The following LRRK1 variants were observed in gnomAD, a reference collection of about 807,000 sequenced individuals.
The protein encoded by LRRK1 is leucine rich repeat kinase 1.
Under a neutral mutation model 209.1 loss-of-function variants are expected in LRRK1, and 113 were observed. The observed-to-expected ratio is 0.54, with a 90% CI of 0.46 to 0.63. The LOEUF is 0.63. LRRK1 is among the 30% of genes least tolerant of loss of function. The pLI is 0.00. For missense variants in LRRK1, 2,284 were observed against 2,632.2 expected, an observed-to-expected ratio of 0.87 and a Z score of 2.89; for synonymous variants, 1,144 against 1,099.7, an observed-to-expected ratio of 1.04 and a Z score of -0.80.
In LRRK1 at chr15:101,030,723, T is replaced by C. The variant is rs139709245; in HGVS notation, c.2963+1491T>C. Among the ~76,000 whole-genome samples the C allele has an allele frequency of 7.9e-5, 12 of 152,338 alleles. No individual in the cohort carries two copies. The East Asian group carries it at 2.3e-3, about 29-fold the overall frequency. On this transcript the variant is annotated intron_variant, in intron 20 of 33. Transcript: ENST00000388948. ...ATTCTGTTGACAGCCCCTTTCCTCCTTGTGACACCCATACCTGCTTCTGTT... is the reference window on the plus strand; with the variant it reads ...ATTCTGTTGACAGCCCCTTTCCTCCCTGTGACACCCATACCTGCTTCTGTT...
chr15:101,046,030 G>A lies in LRRK1; in HGVS notation c.3013G>A (p.Gly1005Ser), dbSNP rs761362971. 1.2e-5 allele frequency: 19 copies of A among 1,614,004 alleles called. No individual in the cohort carries two copies. The highest frequency in any genetic ancestry group is 1.6e-4 in the Middle Eastern group (1 of 6,084). ...LPSKPGLDTHGMRHPTANTIQ... is the reference protein window; with the variant it reads ...LPSKPGLDTHSMRHPTANTIQ... ...ATCTAAACCTGGCCTGGACACCCAC[G>A]GTATGCGGCACCCCACAGCCAACAC... is the stretch of plus-strand genomic sequence containing the variant. The change falls in exon 21 of 34, where the codon GGT becomes AGT. Residue 1005 changes from glycine (G) to serine (S), a missense_variant. Physicochemically the swap from Gly to Ser is moderately conservative, Grantham distance 56. This residue lies in a region of LRRK1 where 780 missense variants were observed against 985.2 expected (regional missense o/e 0.79). Transcript: ENST00000388948.
intron 6 of LRRK1, among the ~76,000 whole-genome samples, chr15:100,998,826 GGATA>G (rs1331552836): frequency 1.3e-5 from 2 of 151,878 alleles, no homozygotes; most frequent in African/African-American, 2.4e-5. Context: ...ATGAATGGAT[GGATA>G]GATAGATGGG....
chr15:101,057,542 A>T (rs535757106), intron 28 of LRRK1, among the ~76,000 whole-genome samples: 1 of 152,218 alleles, frequency 6.6e-6, no homozygotes, highest in Non-Finnish European at 1.5e-5. Flanking sequence ...TAAACAGGGT[A>T]TTCTTTAGAA....
Position 101,061,183 on chromosome 15 carries a change from G to GTTCCT in LRRK1, c.4692_4693insTTCCT (p.Val1565PhefsTer3). ...CTGCCACTTACAGGAACTACACGGTGGTGAACACAGAGAAGGGCCTCATGG... is the reference window on the plus strand; with the variant it reads ...CTGCCACTTACAGGAACTACACGGTGTTCCTGTGAACACAGAGAAGGGCCTCATGG... On this transcript the variant is annotated frameshift_variant, in exon 30 of 34. Transcript: ENST00000388948. LOFTEE classifies it high-confidence loss of function. The GTTCCT allele has an allele frequency of 6.2e-7, 1 of 1,613,650 alleles. No homozygotes were observed.
intron 20 of LRRK1, among the ~76,000 whole-genome samples, chr15:101,038,281 G>A (rs1029163604): frequency 6.6e-6 from 1 of 152,162 alleles, no homozygotes; most frequent in African/African-American, 2.4e-5. Context: ...CACTGCTCAG[G>A]TGATGGGAGT....
At chr15:101,047,920 A>AACTT (rs1372483915) in intron 21 of LRRK1, among the ~76,000 whole-genome samples, 2 of 152,182 alleles carry the variant, frequency 1.3e-5, no homozygotes, top group Non-Finnish European at 2.9e-5. Context: ...GATTGGCACC[A>AACTT]ACTTACACTT....
intron 2 of LRRK1, among the ~76,000 whole-genome samples, chr15:100,928,705 G>A (rs1288909685): frequency 2.0e-5 from 3 of 152,098 alleles, no homozygotes; most frequent in African/African-American, 7.2e-5. Context: ...TTTTTTATTT[G>A]TGTACTAGGC....
At chr15:100,958,419 T>C (rs1209237583) in intron 2 of LRRK1, among the ~76,000 whole-genome samples, 1 of 152,338 alleles carries the variant, frequency 6.6e-6, no homozygotes, top group Non-Finnish European at 1.5e-5. Flanking sequence ...TGGATACGTC[T>C]GTACCTCTGC....
intron 3 of LRRK1, among the ~76,000 whole-genome samples, chr15:100,983,287 G>C (rs1014690465): frequency 1.3e-5 from 2 of 152,112 alleles, no homozygotes; most frequent in African/African-American, 4.8e-5. Flanking sequence ...ATAAATTATT[G>C]ATGAGCTAGC....
rs765893890 is a variant in LRRK1 at position 101,046,047 on chromosome 15, A to T, written c.3030A>T (p.Thr1010=). 9.3e-6 allele frequency: 15 copies of T among 1,614,084 alleles called. No homozygotes were observed. Among genetic ancestry groups the T allele is most frequent in the Non-Finnish European group, 1.3e-5 (15 of 1,180,032 alleles). Residue 1010 remains threonine, a synonymous_variant, in exon 21 of 34, where the codon ACA becomes ACT. Coordinates refer to ENST00000388948, the MANE Select transcript of LRRK1 (RefSeq NM_024652.6). ...ACACCCACGGTATGCGGCACCCCAC[A>T]GCCAACACCATTCAGAGGGTATTTA... ...GLDTHGMRHP[T]ANTIQRVFKM... is the part of the protein sequence containing the mutation.
chr15:100,951,965 AAT>A (rs1169293765), intron 2 of LRRK1, among the ~76,000 whole-genome samples: 224 of 89,014 alleles, frequency 2.5e-3, no homozygotes, highest in African/African-American at 5.2e-3. Context: ...GAAAAAAAAA[AAT>A]AATAATAATA....
At position 101,021,041 on chromosome 15, in the gene LRRK1, A is replaced by T; in HGVS notation, c.1610-12A>T. 1 of 1,613,952 alleles carries T rather than the reference A, an allele frequency of 6.2e-7. No homozygotes were observed. The highest frequency in any genetic ancestry group is 1.1e-5 in the South Asian group (1 of 91,082). On this transcript the variant is annotated splice_polypyrimidine_tract_variant and intron_variant, in intron 12 of 33. Coordinates refer to ENST00000388948, the MANE Select transcript of LRRK1 (RefSeq NM_024652.6). Reference sequence around the variant, plus strand: ...ATTTTTAAATGCAGTCTGCTTTGCCATGTCTTTGCAGCAAGTGTGCTGGAA... The same window carrying T: ...ATTTTTAAATGCAGTCTGCTTTGCCTTGTCTTTGCAGCAAGTGTGCTGGAA...
intron 6 of LRRK1, among the ~76,000 whole-genome samples, chr15:100,991,773 T>C (rs1282702990): frequency 2.0e-5 from 3 of 152,344 alleles, no homozygotes; most frequent in East Asian, 3.9e-4. Context: ...CTAGCAGTTA[T>C]ATCTATCTTG....
chr15:101,004,221 G>A (rs2032837966), intron 6 of LRRK1, among the ~76,000 whole-genome samples: 1 of 152,210 alleles, frequency 6.6e-6, no homozygotes, highest in Non-Finnish European at 1.5e-5. Context: ...TGCTCTGGGT[G>A]GGCAGGGAGA....
chr15:101,044,332 CTG>C (rs2034933707), intron 20 of LRRK1, among the ~76,000 whole-genome samples: 1 of 152,250 alleles, frequency 6.6e-6, no homozygotes, highest in African/African-American at 2.4e-5. Flanking sequence ...CTGTCTGAGG[CTG>C]TCTCAGTGGG....
chr15:100,994,432 A>G (rs1167652352), intron 6 of LRRK1, among the ~76,000 whole-genome samples: 1 of 152,158 alleles, frequency 6.6e-6, no homozygotes, highest in East Asian at 1.9e-4. Context: ...GGTGATTCCA[A>G]TGTGCACCCA....
intron 7 of LRRK1, among the ~76,000 whole-genome samples, chr15:101,009,790 G>A (rs1025955591): frequency 2.0e-5 from 3 of 152,078 alleles, no homozygotes; most frequent in African/African-American, 7.2e-5. Context: ...GTTTCACCGT[G>A]TTGGCCAGGA....
rs1174095366 is a variant in LRRK1 at position 101,012,144 on chromosome 15, A to C, written c.1418A>C (p.Asp473Ala). The part of the protein sequence containing the change: ...KEVPLGLFQL[D>A]ALMFLRLQGN... ...GTTCCCCTGGGACTTTTCCAGCTTG[A>C]TGTAAGCCTAATAGCCCTTTCTTTC... Residue 473 changes from aspartate to alanine, a missense_variant and splice_region_variant, in exon 10 of 34, where the codon GAT becomes GCT. By Grantham distance (126) the Asp-to-Ala change is moderately radical. Coordinates refer to ENST00000388948, the MANE Select transcript of LRRK1 (RefSeq NM_024652.6). 3 of 1,604,830 alleles carry C rather than the reference A, an allele frequency of 1.9e-6. No individual in the cohort carries two copies. Among genetic ancestry groups the C allele is most frequent in the African/African-American group, 1.3e-5 (1 of 74,294 alleles).
chr15:100,956,603 T>G (rs2042771120), intron 2 of LRRK1, among the ~76,000 whole-genome samples: 1 of 151,856 alleles, frequency 6.6e-6, no homozygotes, highest in Non-Finnish European at 1.5e-5. Flanking sequence ...TAGCTGGGAT[T>G]ACAGGCGCCC....
Sources: gnomAD v4.1 joint callset for allele counts (sites outside exome capture counted in the v4.1 genomes callset) on GRCh38, gnomAD v4.1.1 for gene constraint, gnomAD v4.1.1 regional missense constraint, MANE v1.5 for transcripts, NCBI Gene and HGNC (gene_info 2026-07-23, HGNC 2026-07-21) for gene names.